MARCHF8: variants seen among roughly 807,000 people sequenced by gnomAD.
The protein encoded by MARCHF8 is membrane associated ring-CH-type finger 8, also known as E3 ubiquitin-protein ligase MARCHF8.
A neutral mutation model predicts 51.6 loss-of-function variants in MARCHF8; 40 were observed. That is an observed-to-expected ratio of 0.77 (90% CI 0.60 to 1.01). The LOEUF is 1.01. Among genes scored for constraint, MARCHF8 ranks in the 50% least tolerant of loss-of-function variants. The pLI is 0.00. For synonymous variants in MARCHF8, 263 were observed against 280.3 expected (o/e 0.94, Z 0.62); for missense variants, 685 against 708.6 (o/e 0.97, Z 0.38).
chr10:45,567,276 A>C (rs2044375927), intron 1 of MARCHF8, among the ~76,000 whole-genome samples: 1 of 152,042 alleles, frequency 6.6e-6, no homozygotes, highest in Non-Finnish European at 1.5e-5. Flanking sequence ...GAAGCTTTTT[A>C]ACTTGATGTG....
chr10:45,577,037 G>C (rs1416439103), intron 1 of MARCHF8, among the ~76,000 whole-genome samples: 2 of 151,908 alleles, frequency 1.3e-5, no homozygotes, highest in South Asian at 2.1e-4. Context: ...GACTTTATGA[G>C]GTGATTAAAT....
intron 1 of MARCHF8, among the ~76,000 whole-genome samples, chr10:45,543,286 C>T (rs2044077731): frequency 6.6e-6 from 1 of 152,224 alleles, no homozygotes; most frequent in South Asian, 2.1e-4. Flanking sequence ...TTCCATTTAA[C>T]CCTCTCTGAT....
intron 2 of MARCHF8, among the ~76,000 whole-genome samples, chr10:45,493,239 G>A (rs1446196100): frequency 6.6e-6 from 1 of 152,136 alleles, no homozygotes; most frequent in Admixed American, 6.5e-5. Flanking sequence ...GTAAAGAAGT[G>A]GAATTAGACA....
chr10:45,585,321 A>G (rs2044606857), intron 1 of MARCHF8, among the ~76,000 whole-genome samples: 1 of 152,226 alleles, frequency 6.6e-6, no homozygotes, highest in Non-Finnish European at 1.5e-5. Flanking sequence ...ATAGAAAAAA[A>G]ATGGACAATC....
At chr10:45,592,598 T>C (rs1277167754) in intron 1 of MARCHF8, among the ~76,000 whole-genome samples, 1 of 152,156 alleles carries the variant, frequency 6.6e-6, no homozygotes, top group Non-Finnish European at 1.5e-5. Context: ...AAACATTATG[T>C]GATTATAGCA....
At chr10:45,549,785 C>A (rs2044173614) in intron 1 of MARCHF8, among the ~76,000 whole-genome samples, 1 of 152,206 alleles carries the variant, frequency 6.6e-6, no homozygotes, top group Non-Finnish European at 1.5e-5. Flanking sequence ...TAAGTTCAGC[C>A]TCCTTCCCTT....
At chr10:45,502,600 TG>T (rs1286319487) in intron 2 of MARCHF8, among the ~76,000 whole-genome samples, 1 of 152,222 alleles carries the variant, frequency 6.6e-6, no homozygotes, top group Non-Finnish European at 1.5e-5. Flanking sequence ...GACTGTGTCT[TG>T]CTCATCAGGA....
intron 1 of MARCHF8, among the ~76,000 whole-genome samples, chr10:45,546,403 T>C (rs546632525): frequency 6.6e-6 from 1 of 152,204 alleles, no homozygotes; most frequent in East Asian, 1.9e-4. Flanking sequence ...CCTCAGGCAA[T>C]CCGCCCGCCT....
chr10:45,488,818 T>C (rs1159191315), intron 3 of MARCHF8, among the ~76,000 whole-genome samples: 1 of 152,188 alleles, frequency 6.6e-6, no homozygotes, highest in Non-Finnish European at 1.5e-5. Flanking sequence ...AGAGCCAAGA[T>C]GCCTCCTTCT....
chr10:45,546,781 CAAA>C (rs35226792), intron 1 of MARCHF8, among the ~76,000 whole-genome samples: 5 of 112,594 alleles, frequency 4.4e-5, no homozygotes, highest in Admixed American at 9.2e-5. Flanking sequence ...GAACCTGTCT[CAAA>C]AAAAAAAAAA....
At chr10:45,543,797 CAAAA>C (rs35514763) in intron 1 of MARCHF8, among the ~76,000 whole-genome samples, 2 of 49,726 alleles carry the variant, frequency 4.0e-5, no homozygotes, top group Non-Finnish European at 7.3e-5. Flanking sequence ...GACTCCGTCT[CAAAA>C]AAAAAAAAAA....
chr10:45,459,081 C>G, intron 7 of MARCHF8, 39 bp downstream of exon 7: 1 of 1,612,874 alleles, frequency 6.2e-7, no homozygotes, highest in Non-Finnish European at 8.5e-7. Context: ...TGAGCTATCC[C>G]GGCCCCCATG....
At chr10:45,506,029 A>C (rs2043375727) in intron 2 of MARCHF8, among the ~76,000 whole-genome samples, 1 of 152,228 alleles carries the variant, frequency 6.6e-6, no homozygotes, top group South Asian at 2.1e-4. Context: ...ATAATTTTCT[A>C]CCTCAGAATG....
intron 1 of MARCHF8, among the ~76,000 whole-genome samples, chr10:45,557,855 G>A (rs1473109176): frequency 6.6e-6 from 1 of 152,162 alleles, no homozygotes; most frequent in East Asian, 1.9e-4. Flanking sequence ...AGACTCACAG[G>A]TGCCTTAGGT....
At chr10:45,510,261 G>A (rs534884209) in intron 2 of MARCHF8, among the ~76,000 whole-genome samples, 89 of 152,206 alleles carry the variant, frequency 5.8e-4, no homozygotes, top group Non-Finnish European at 1.1e-3. Flanking sequence ...CCAGAACTTT[G>A]AGAAAATGAA....
intron 1 of MARCHF8, among the ~76,000 whole-genome samples, chr10:45,583,219 C>A (rs191929579): frequency 6.6e-6 from 1 of 151,960 alleles, no homozygotes; most frequent in Non-Finnish European, 1.5e-5. Flanking sequence ...AATAAGGGAT[C>A]GGTAATAGAT....
rs566658174 is a variant in MARCHF8 at position 45,490,881 on chromosome 10, G to A, written c.103-1464C>T. Among the ~76,000 whole-genome samples, 8 of 152,072 alleles carry A rather than the reference G, an allele frequency of 5.3e-5. No individual in the cohort carries two copies. In the South Asian group the frequency reaches 6.2e-4, roughly 12 times the overall value. On this transcript the variant is annotated intron_variant, in intron 2 of 7. Coordinates refer to ENST00000453424, the MANE Select transcript of MARCHF8 (RefSeq NM_001282866.2). The stretch of plus-strand genomic sequence containing the variant: ...GCCTTCTGAGGAATTGGGACTACAG[G>A]GATGTGCCAACATGTCTGACTAAAT...
chr10:45,554,568 A>C (rs2044230840), intron 1 of MARCHF8, among the ~76,000 whole-genome samples: 1 of 152,204 alleles, frequency 6.6e-6, no homozygotes, highest in Non-Finnish European at 1.5e-5. Flanking sequence ...AGCCATCAGA[A>C]GCACCCATGC....
At chr10:45,496,139 T>C (rs1421625248) in intron 2 of MARCHF8, among the ~76,000 whole-genome samples, 2 of 152,174 alleles carry the variant, frequency 1.3e-5, no homozygotes, top group East Asian at 1.9e-4. Flanking sequence ...AGAGAATTCA[T>C]TGCAAGTGGA....
Sources: allele counts gnomAD v4.1 joint callset (sites outside exome capture counted in the v4.1 genomes callset), GRCh38; gene constraint gnomAD v4.1.1; transcripts MANE v1.5; gene names NCBI Gene and HGNC (gene_info 2026-07-23, HGNC 2026-07-21).